CD2AP: variants seen among roughly 807,000 people sequenced by gnomAD.
CD2AP encodes CD2-associated protein.
A neutral mutation model predicts 85.1 loss-of-function variants in CD2AP; 46 were observed. The ratio of observed to expected loss-of-function variants is 0.54; its 90% CI spans 0.43 to 0.69. CD2AP has a LOEUF of 0.69. Ranked by LOEUF, CD2AP falls within the 30% of genes least tolerant of loss-of-function variation. The pLI, the probability that CD2AP is intolerant of heterozygous loss-of-function variation, is 0.00. For missense variants in CD2AP, 769 were observed against 729.5 expected (o/e 1.05, Z -0.62); for synonymous variants, 255 against 252.9 (o/e 1.01, Z -0.08).
intron 2 of CD2AP, among the ~76,000 whole-genome samples, chr6:47,515,396 G>C (rs941141230): frequency 2.6e-5 from 4 of 152,180 alleles, no homozygotes; most frequent in Non-Finnish European, 2.9e-5. Context: ...TGGAAATGAA[G>C]GGGATAGATA....
chr6:47,540,467 A>T (rs757515446), intron 3 of CD2AP, among the ~76,000 whole-genome samples: 1 of 152,006 alleles, frequency 6.6e-6, no homozygotes, highest in African/African-American at 2.4e-5. Flanking sequence ...ATGTGGAATT[A>T]TTTTTTTCTT....
rs532659769 is a variant in CD2AP at position 47,531,834 on chromosome 6, A to T, written c.166-1768A>T. On this transcript the variant is annotated intron_variant, in intron 2 of 17. Coordinates refer to ENST00000359314, the MANE Select transcript of CD2AP (RefSeq NM_012120.3). ...ACGCTTGTAATCCCAGCACTTTGGG[A>T]GGTCGAGGCAGGCAGATCACCTGAG... is the stretch of plus-strand genomic sequence containing the variant. 2.4e-4 allele frequency among the ~76,000 whole-genome samples: 36 copies of T among 152,152 alleles called. No homozygotes were observed. The East Asian group carries it at 6.4e-3, about 27-fold the overall frequency.
At position 47,566,235 on chromosome 6, in the gene CD2AP, A is replaced by T. The variant is rs1410730749; in HGVS notation, c.542-7829A>T. Among the ~76,000 whole-genome samples, 5 of 147,708 alleles carry T rather than the reference A, an allele frequency of 3.4e-5. No individual in the cohort carries two copies. The Admixed American group carries it at 3.4e-4, about 10-fold the overall frequency. ...TTTAATTCTCTTCTCTTTTTTTTTTAACGTTTCAAAGAAGAATTTGTTGCT... is the reference window on the plus strand; with the variant it reads ...TTTAATTCTCTTCTCTTTTTTTTTTTACGTTTCAAAGAAGAATTTGTTGCT... On this transcript the variant is annotated intron_variant, in intron 5 of 17. Coordinates refer to ENST00000359314, the MANE Select transcript of CD2AP (RefSeq NM_012120.3).
chr6:47,612,637 CT>C lies in CD2AP; in HGVS notation c.1878+102del, dbSNP rs1769475822. On this transcript the variant is annotated intron_variant, in intron 17 of 17. Transcript: ENST00000359314. ...CGGTTCCTGTACAAATTATGCTATACTACTTCAGTTGGACATACACACAATG... is the reference window on the plus strand; with the variant it reads ...CGGTTCCTGTACAAATTATGCTATACACTTCAGTTGGACATACACACAATG... The C allele has an allele frequency of 7.7e-6, 6 of 775,826 alleles. No homozygotes were observed. In the South Asian group the frequency reaches 8.7e-5, roughly 11 times the overall value. The allele number at this position is 775,826 out of a possible 1,614,324, so 48.1% of individuals were successfully genotyped here. A position where few individuals can be genotyped will look rare whatever the true frequency, so the allele number is the denominator to read the frequency against.
chr6:47,495,327 G>T (rs552276263), intron 1 of CD2AP, among the ~76,000 whole-genome samples: 4 of 152,260 alleles, frequency 2.6e-5, no homozygotes, highest in East Asian at 3.9e-4. Flanking sequence ...GGAGGTAGAG[G>T]TTGGAGTTAC....
At chr6:47,489,277 C>G (rs1170179981) in intron 1 of CD2AP, 5 of 150,802 alleles carry the variant, frequency 3.3e-5, no homozygotes, top group Non-Finnish European at 1.5e-5. Context: ...AAGCGATTCT[C>G]TTGCCTCAGC....
Position 47,626,240 on chromosome 6 carries a change from C to A in CD2AP, c.*2013C>A, listed in dbSNP as rs1442104512. The A allele has an allele frequency of 6.6e-6, 1 of 151,864 alleles. No homozygotes were observed. Among genetic ancestry groups the A allele is most frequent in the Non-Finnish European group, 1.5e-5 (1 of 67,820 alleles). 9.4% of individuals were successfully genotyped at this position (151,864 alleles called of 1,614,324 possible). ...AGTTTTTGCTTGTGTCCTCCTCAGT[C>A]AGAATAGAAAAGTAACTGAAATACT... On this transcript the variant is annotated 3_prime_UTR_variant, in exon 18 of 18. Coordinates refer to ENST00000359314, the MANE Select transcript of CD2AP (RefSeq NM_012120.3).
At chr6:47,490,584 A>C (rs1294183858) in intron 1 of CD2AP, among the ~76,000 whole-genome samples, 1 of 152,124 alleles carries the variant, frequency 6.6e-6, no homozygotes, top group Non-Finnish European at 1.5e-5. Context: ...GTGATTAATC[A>C]CATGTACGTG....
intron 4 of CD2AP, among the ~76,000 whole-genome samples, chr6:47,547,051 A>G (rs1767382598): frequency 6.6e-6 from 1 of 152,200 alleles, no homozygotes; most frequent in Non-Finnish European, 1.5e-5. Context: ...CAAATCCTAG[A>G]AACACATCAA....
At chr6:47,479,465 C>T (rs1204112101) in intron 1 of CD2AP, among the ~76,000 whole-genome samples, 3 of 152,150 alleles carry the variant, frequency 2.0e-5, no homozygotes, top group African/African-American at 7.2e-5. Flanking sequence ...GTTCCCTTCT[C>T]CACCTCCCTC....
At chr6:47,498,514 G>A (rs759613060) in intron 1 of CD2AP, among the ~76,000 whole-genome samples, 29 of 151,922 alleles carry the variant, frequency 1.9e-4, no homozygotes, top group Non-Finnish European at 2.1e-4. Flanking sequence ...TTAATTCCCC[G>A]TTTTTTTCTC....
At chr6:47,513,900 G>T (rs1361863658) in intron 2 of CD2AP, among the ~76,000 whole-genome samples, 6 of 145,928 alleles carry the variant, frequency 4.1e-5, no homozygotes, top group African/African-American at 1.5e-4. Context: ...TTTGGGGGGG[G>T]GGCTAGCCTT....
Position 47,612,548 on chromosome 6 carries a change from C to G in CD2AP, c.1878+12C>G. ...GAAGTAATCTAGAGGTAATTAATTT[C>G]TTCCAGCATTGAGAGTTTAGTGAGC... On this transcript the variant is annotated intron_variant, in intron 17 of 17. Transcript: ENST00000359314. The G allele has an allele frequency of 1.3e-6, 2 of 1,582,558 alleles. No homozygotes were observed. Among genetic ancestry groups the G allele is most frequent in the South Asian group, 2.2e-5 (2 of 90,206 alleles).
In CD2AP at chr6:47,612,668, A is replaced by G. The variant is rs1398705616; in HGVS notation, c.1878+132A>G. 44 of 679,246 alleles carry G rather than the reference A, an allele frequency of 6.5e-5. 1 individual carries two copies. In the South Asian group the frequency reaches 7.0e-4, roughly 11 times the overall value. The allele number at this position is 679,246 out of a possible 1,614,324, so 42.1% of individuals were successfully genotyped here. On this transcript the variant is annotated intron_variant, in intron 17 of 17. Transcript: ENST00000359314. ...CAGTTGGACATACACACAATGGACT[A>G]CTATTCAGTCACAAAAAAAGAATGA...
chr6:47,540,240 T>TTAA (rs1419813291), intron 3 of CD2AP, among the ~76,000 whole-genome samples: 1 of 151,770 alleles, frequency 6.6e-6, no homozygotes, highest in Non-Finnish European at 1.5e-5. Context: ...AAAATGGACT[T>TTAA]AATTTCATGT....
At chr6:47,602,980 T>C (rs1342024321) in intron 13 of CD2AP, among the ~76,000 whole-genome samples, 1 of 152,120 alleles carries the variant, frequency 6.6e-6, no homozygotes, top group Non-Finnish European at 1.5e-5. Flanking sequence ...GAAACACATT[T>C]GTTTTTCTTC....
intron 4 of CD2AP, among the ~76,000 whole-genome samples, chr6:47,553,525 T>G (rs1767586985): frequency 6.8e-6 from 1 of 147,498 alleles, no homozygotes; most frequent in African/African-American, 2.5e-5. Context: ...TTTTTTTTTT[T>G]TTTTTTTTTT....
chr6:47,606,117 A>G (rs1041102631), intron 13 of CD2AP, 48 bp from the exon 14 acceptor site: 1 of 994,856 alleles, frequency 1.0e-6, no homozygotes, highest in Non-Finnish European at 1.6e-6. Context: ...TTTTACCTTT[A>G]AAAAGGTACA....
intron 14 of CD2AP, among the ~76,000 whole-genome samples, chr6:47,606,808 G>A (rs568741808): frequency 2.0e-5 from 3 of 152,054 alleles, no homozygotes; most frequent in Admixed American, 1.3e-4. Context: ...TTTATCTTTT[G>A]TGTTACAAAC....
Sources: gnomAD v4.1 joint callset for allele counts (sites outside exome capture counted in the v4.1 genomes callset) on GRCh38, gnomAD v4.1.1 for gene constraint, MANE v1.5 for transcripts, NCBI Gene and HGNC (gene_info 2026-07-23, HGNC 2026-07-21) for gene names.